Variants in ATF7 observed in about 807,000 individuals in gnomAD.
ATF7 encodes the protein activating transcription factor 7.
Under a neutral mutation model 50.4 loss-of-function variants are expected in ATF7, and 10 were observed. The ratio of observed to expected loss-of-function variants is 0.20; its 90% CI spans 0.12 to 0.34. ATF7 has a LOEUF of 0.34. ATF7 is among the 10% of genes least tolerant of loss of function. ATF7 has a pLI of 1.00. For missense variants in ATF7, 465 were observed against 613.9 expected (o/e 0.76, Z 2.56); for synonymous variants, 201 against 226.4 (o/e 0.89, Z 1.01).
At chr12:53,554,312 G>A (rs965844678) in intron 2 of ATF7, among the ~76,000 whole-genome samples, 1 of 151,572 alleles carries the variant, frequency 6.6e-6, no homozygotes, top group African/African-American at 2.4e-5. Context: ...TGTATTTTTA[G>A]TAGAGATGGG....
intron 2 of ATF7, among the ~76,000 whole-genome samples, chr12:53,588,183 A>G (rs1368679857): frequency 6.6e-6 from 1 of 152,142 alleles, no homozygotes; most frequent in Non-Finnish European, 1.5e-5. Flanking sequence ...AAATTATTTC[A>G]TGTAAATATT....
At position 53,524,953 on chromosome 12, in the gene ATF7, C is replaced by T; in HGVS notation, c.928-192G>A. 1.8e-6 allele frequency: 1 copy of T among 551,888 alleles called. No individual in the cohort carries two copies. Among genetic ancestry groups the T allele is most frequent in the Non-Finnish European group, 3.2e-6 (1 of 317,066 alleles). 34.2% of individuals were successfully genotyped at this position (551,888 alleles called of 1,614,324 possible). A position where few individuals can be genotyped will look rare whatever the true frequency, so the allele number is the denominator to read the frequency against. ...CTCAATTTTGCCTCCTATTTCCTTCCAGTCTTCTCAGTCTCATACTTAGAC... is the reference window on the plus strand; with the variant it reads ...CTCAATTTTGCCTCCTATTTCCTTCTAGTCTTCTCAGTCTCATACTTAGAC... On this transcript the variant is annotated intron_variant, in intron 9 of 11. Transcript: ENST00000420353. This position sits in a 1 kb window ranked among gnomAD's most constrained non-coding sequence, Gnocchi z 4.6.
At position 53,515,989 on chromosome 12, in the gene ATF7, G is replaced by C. The variant is rs1009341923; in HGVS notation, c.*1148C>G. On this transcript the variant is annotated 3_prime_UTR_variant, in exon 12 of 12. Transcript: ENST00000420353. Reference sequence around the variant, plus strand: ...GACAGATGTGTGAGGGGGAGAGATGGGGTAGAACAAAGGAACTCGAGAGTC... The same window carrying C: ...GACAGATGTGTGAGGGGGAGAGATGCGGTAGAACAAAGGAACTCGAGAGTC... 4 of 152,294 alleles carry C rather than the reference G, an allele frequency of 2.6e-5. No individual in the cohort carries two copies. Among genetic ancestry groups the C allele is most frequent in the African/African-American group, 9.7e-5 (4 of 41,432 alleles). The allele number at this position is 152,294 out of a possible 1,614,324, so 9.4% of individuals were successfully genotyped here. A position where few individuals can be genotyped will look rare whatever the true frequency, so the allele number is the denominator to read the frequency against.
chr12:53,584,077 T>C (rs946523607), intron 2 of ATF7, among the ~76,000 whole-genome samples: 6 of 152,164 alleles, frequency 3.9e-5, no homozygotes, highest in Admixed American at 2.6e-4. Context: ...CCTCCCAAGT[T>C]CAAGCGATTC....
intron 1 of ATF7, among the ~76,000 whole-genome samples, chr12:53,606,389 C>G (rs1463795158): frequency 6.6e-6 from 1 of 151,992 alleles, no homozygotes; most frequent in African/African-American, 2.4e-5. Flanking sequence ...GCTGAGATTA[C>G]AGGCATGTGC....
chr12:53,534,762 G>C, intron 5 of ATF7, 103 bp from the exon 6 acceptor site: 1 of 1,302,510 alleles, frequency 7.7e-7, no homozygotes, highest in Non-Finnish European at 1.1e-6. Context: ...AAGAGCATTA[G>C]AGCCACTCAT....
rs996610850 is a variant in ATF7 at position 53,534,449 on chromosome 12, T to C, written c.560+53A>G. On this transcript the variant is annotated intron_variant, in intron 6 of 11. Coordinates refer to ENST00000420353, the MANE Select transcript of ATF7 (RefSeq NM_006856.3). Reference sequence around the variant, plus strand: ...GTCCCAGTTTTATCAAATAGTTTCATGTAATGGAAAGAAATGCAGCCTTCA... The same window carrying C: ...GTCCCAGTTTTATCAAATAGTTTCACGTAATGGAAAGAAATGCAGCCTTCA... The C allele has an allele frequency of 1.6e-5, 25 of 1,603,406 alleles. No homozygotes were observed. In the African/African-American group the frequency reaches 2.3e-4, roughly 15 times the overall value.
chr12:53,534,515 T>C lies in ATF7; in HGVS notation c.547A>G (p.Asn183Asp). 6.2e-7 allele frequency: 1 copy of C among 1,613,864 alleles called. No homozygotes were observed. Among genetic ancestry groups the C allele is most frequent in the South Asian group, 1.1e-5 (1 of 91,080 alleles). Residue 183 changes from asparagine (N) to aspartate (D), a missense_variant, in exon 6 of 12, where the codon AAC becomes GAC. Coordinates refer to ENST00000420353, the MANE Select transcript of ATF7 (RefSeq NM_006856.3). ...TSVITQAPPS[N>D]RQMGSPTGSL... ...CTCTGTACTTACCCCATTTGCCTGT[T>C]GGATGGTGGAGCCTGTGTGATGACA...
intron 2 of ATF7, among the ~76,000 whole-genome samples, chr12:53,560,042 C>G (rs1397960445): frequency 2.0e-5 from 3 of 152,070 alleles, no homozygotes; most frequent in African/African-American, 7.2e-5. Flanking sequence ...TCTGCCTCAG[C>G]CTCCCAAGTA....
intron 2 of ATF7, among the ~76,000 whole-genome samples, chr12:53,582,528 C>A (rs1293580015): frequency 6.6e-6 from 1 of 151,962 alleles, no homozygotes; most frequent in Non-Finnish European, 1.5e-5. Flanking sequence ...CAGTAGCAAA[C>A]ATAGTGTGGT....
At chr12:53,511,413 C>G (rs1944124169), downstream of ATF7, among the ~76,000 whole-genome samples, 1 of 152,102 alleles carries the variant, frequency 6.6e-6, no homozygotes, top group African/African-American at 2.4e-5. Context: ...CAACACCTGG[C>G]TAATTTTTGT....
At position 53,529,804 on chromosome 12, in the gene ATF7, G is replaced by A. The variant is rs184718484; in HGVS notation, c.927+1940C>T. On this transcript the variant is annotated intron_variant, in intron 9 of 11. Coordinates refer to ENST00000420353, the MANE Select transcript of ATF7 (RefSeq NM_006856.3). ...AGCCCAGGCTGGAGTGCAGTGGCAC[G>A]ATCTCGGCTCACTGCAGCCTCCACC... is the stretch of plus-strand genomic sequence containing the variant. Among the ~76,000 whole-genome samples the A allele has an allele frequency of 9.9e-4, 147 of 147,922 alleles. 1 individual carries two copies. Among genetic ancestry groups the A allele is most frequent in the Non-Finnish European group, 1.9e-3 (126 of 67,384 alleles).
intron 4 of ATF7, among the ~76,000 whole-genome samples, chr12:53,538,850 G>A (rs188016715): frequency 6.6e-6 from 1 of 152,234 alleles, no homozygotes; most frequent in Admixed American, 6.5e-5. Flanking sequence ...CCAATCTGAG[G>A]AGGGTGAGCA....
rs1485207405 is a variant in ATF7, at chr12:53,516,993, C to A, written c.*144G>T. ...GTACATGACCACATGGCTAAAAAGC[C>A]CCATATCTGTCCATTACTCACAACA... On this transcript the variant is annotated 3_prime_UTR_variant, in exon 12 of 12. Coordinates refer to ENST00000420353, the MANE Select transcript of ATF7 (RefSeq NM_006856.3). 3 of 920,260 alleles carry A rather than the reference C, an allele frequency of 3.3e-6. No homozygotes were observed. Among genetic ancestry groups the A allele is most frequent in the Non-Finnish European group, 5.0e-6 (3 of 604,346 alleles). 57.0% of individuals were successfully genotyped at this position (920,260 alleles called of 1,614,324 possible).
intron 1 of ATF7, among the ~76,000 whole-genome samples, chr12:53,617,963 A>G (rs1233211603): frequency 6.6e-6 from 1 of 152,204 alleles, no homozygotes; most frequent in East Asian, 1.9e-4. Flanking sequence ...ATGATTTAAC[A>G]GGAACAAAAC....
chr12:53,611,879 C>A (rs1004959325), intron 1 of ATF7, among the ~76,000 whole-genome samples: 1 of 152,120 alleles, frequency 6.6e-6, no homozygotes, highest in Non-Finnish European at 1.5e-5. Context: ...CAGACATGAG[C>A]CACCACTTTC....
chr12:53,511,645 T>C (rs1944129653), downstream of ATF7, among the ~76,000 whole-genome samples: 3 of 152,342 alleles, frequency 2.0e-5, no homozygotes, highest in East Asian at 3.9e-4. Context: ...TCTGTGTGTG[T>C]GCTCCCTGGT....
intron 4 of ATF7, 104 bp downstream of exon 4, chr12:53,543,226 C>T: frequency 6.4e-7 from 1 of 1,550,684 alleles, no homozygotes; most frequent in East Asian, 2.4e-5. Context: ...CTACTAAGCC[C>T]ATGATTTTGT....
At chr12:53,536,906 A>G (rs769655046) in intron 5 of ATF7, among the ~76,000 whole-genome samples, 1 of 152,004 alleles carries the variant, frequency 6.6e-6, no homozygotes, top group African/African-American at 2.4e-5. Flanking sequence ...ACAACAACAA[A>G]AGAATACAAT....
Sources: allele counts gnomAD v4.1 joint callset (sites outside exome capture counted in the v4.1 genomes callset), GRCh38; gene constraint gnomAD v4.1.1; non-coding constraint Gnocchi (gnomAD v3.1); transcripts MANE v1.5; gene names NCBI Gene and HGNC (gene_info 2026-07-23, HGNC 2026-07-21).